The following BTBD2 variants were observed in gnomAD, a reference collection of about 807,000 sequenced individuals.
BTBD2 encodes the protein BTB/POZ domain-containing protein 2.
In BTBD2, 15 loss-of-function variants were observed where a neutral mutation model predicts 44.0. That is an observed-to-expected ratio of 0.34 (90% confidence interval 0.23 to 0.53). The LOEUF is 0.53. Ranked by LOEUF, BTBD2 falls within the 20% of genes least tolerant of loss-of-function variation. BTBD2 has a pLI of 0.95. For synonymous variants in BTBD2, 443 were observed against 335.9 expected (o/e 1.32, Z -3.49); for missense variants, 657 against 746.4 (o/e 0.88, Z 1.39).
chr19:1,997,531 C>A, intron 1 of BTBD2, 68 bp from the exon 2 acceptor site: 1 of 1,596,772 alleles, frequency 6.3e-7, no homozygotes, highest in Non-Finnish European at 8.5e-7. Flanking sequence ...AGGGCCAGCC[C>A]GGTATCCTGG....
intron 1 of BTBD2, chr19:2,013,533 C>G: frequency 1.0e-6 from 1 of 986,314 alleles, no homozygotes; most frequent in Non-Finnish European, 1.2e-6. Flanking sequence ...GTAGCAGGGC[C>G]CAGGGGAGAC....
At chr19:2,013,161 C>T (rs1461789836) in intron 1 of BTBD2, among the ~76,000 whole-genome samples, 1 of 152,190 alleles carries the variant, frequency 6.6e-6, no homozygotes, top group Admixed American at 6.5e-5. Flanking sequence ...TGCCCATAAA[C>T]ACCCAGGAAG....
In BTBD2 at chr19:1,990,297, GGGCTGGCAACTAT is replaced by G. The variant is rs987189181; in HGVS notation, c.791-109_791-97del. 80 of 1,410,266 alleles carry G rather than the reference GGGCTGGCAACTAT, an allele frequency of 5.7e-5. No individual in the cohort carries two copies. The Middle Eastern group carries it at 8.5e-4, about 15-fold the overall frequency. The allele number at this position is 1,410,266 out of a possible 1,614,324, so 87.4% of individuals were successfully genotyped here. A position where few individuals can be genotyped will look rare whatever the true frequency, so the allele number is the denominator to read the frequency against. On this transcript the variant is annotated intron_variant, in intron 4 of 8. Transcript: ENST00000255608. ...AACGTGAGGACCAGCAGTTAAAGCCGGGCTGGCAACTATGGCCCGTGGCCCAAATCTGGCCCTG... is the reference window on the plus strand; with the variant it reads ...AACGTGAGGACCAGCAGTTAAAGCCGGGCCCGTGGCCCAAATCTGGCCCTG...
At chr19:2,006,897 G>A (rs1483172277) in intron 1 of BTBD2, among the ~76,000 whole-genome samples, 4 of 151,704 alleles carry the variant, frequency 2.6e-5, no homozygotes, top group East Asian at 1.9e-4. Flanking sequence ...TCACTCTATC[G>A]CCCAGGCTGG....
At chr19:1,990,501 T>A (rs2016160117) in intron 4 of BTBD2, 1 of 611,876 alleles carries the variant, frequency 1.6e-6, no homozygotes, top group Admixed American at 3.0e-5. Flanking sequence ...ATGGTCACCA[T>A]CAGCTGGGAT....
intron 1 of BTBD2, 50 bp downstream of exon 1, chr19:2,015,247 C>A: frequency 6.8e-7 from 1 of 1,473,338 alleles, no homozygotes; most frequent in Non-Finnish European, 9.0e-7. Flanking sequence ...AGGGCCCGGG[C>A]AGCAGGCTGG....
At chr19:2,002,191 C>G (rs2016338197) in intron 1 of BTBD2, among the ~76,000 whole-genome samples, 1 of 152,154 alleles carries the variant, frequency 6.6e-6, no homozygotes, top group African/African-American at 2.4e-5. Flanking sequence ...AAGCAATGAT[C>G]CCACCTCAGC....
At position 2,001,811 on chromosome 19, in the gene BTBD2, C is replaced by T. The variant is rs2016333865; in HGVS notation, c.408-4348G>A. Among the ~76,000 whole-genome samples the T allele has an allele frequency of 2.6e-5, 4 of 152,280 alleles. 1 individual carries two copies. The South Asian group carries it at 8.3e-4, about 32-fold the overall frequency. ...GGAGTGCAGTGGCGCAATCTTGGCT[C>T]ACTGCAACCTCCGCCTCCCGAGTTC... On this transcript the variant is annotated intron_variant, in intron 1 of 8. Coordinates refer to ENST00000255608, the MANE Select transcript of BTBD2 (RefSeq NM_017797.4).
At chr19:2,007,564 G>A (rs997333161) in intron 1 of BTBD2, among the ~76,000 whole-genome samples, 7 of 152,080 alleles carry the variant, frequency 4.6e-5, no homozygotes, top group African/African-American at 1.2e-4. Flanking sequence ...GGCCAGGGAC[G>A]GTAGCTCACA....
At position 1,990,460 on chromosome 19, in the gene BTBD2, A is replaced by G; in HGVS notation, c.790+257T>C. The G allele has an allele frequency of 1.1e-5, 7 of 610,044 alleles. No homozygotes were observed. In the South Asian group the frequency reaches 1.4e-4, roughly 12 times the overall value. The allele number at this position is 610,044 out of a possible 1,614,324, so 37.8% of individuals were successfully genotyped here. On this transcript the variant is annotated intron_variant, in intron 4 of 8. Transcript: ENST00000255608. Reference sequence around the variant, plus strand: ...CTTTGACAAAAGCTGTTCAACAGCAAAGTCAAAGCCATGGACCATCGGAGG... The same window carrying G: ...CTTTGACAAAAGCTGTTCAACAGCAGAGTCAAAGCCATGGACCATCGGAGG...
intron 1 of BTBD2, among the ~76,000 whole-genome samples, chr19:2,004,861 A>G (rs112765663): frequency 0.018 from 2,668 of 151,520 alleles, 65 homozygotes; most frequent in African/African-American, 0.06. Flanking sequence ...TTGCTCTGTC[A>G]CCCAGGCTGG....
chr19:2,009,033 T>TTTC (rs2016429284), intron 1 of BTBD2, among the ~76,000 whole-genome samples: 1 of 151,584 alleles, frequency 6.6e-6, no homozygotes, highest in African/African-American at 2.4e-5. Context: ...TTTTTTTTTT[T>TTTC]TCCAAGACAG....
At chr19:2,013,781 T>C in intron 1 of BTBD2, 1 of 638,356 alleles carries the variant, frequency 1.6e-6, no homozygotes, top group Non-Finnish European at 1.9e-6. Context: ...CCTGGGGGTC[T>C]CCGGTGGGGG....
chr19:2,000,009 GGGC>G (rs1348335629), intron 1 of BTBD2, among the ~76,000 whole-genome samples: 1 of 152,002 alleles, frequency 6.6e-6, no homozygotes, highest in African/African-American at 2.4e-5. Context: ...GAAACAGAGT[GGGC>G]GGCCGCATGA....
At chr19:2,014,150 C>T (rs2016502504) in intron 1 of BTBD2, 1 of 150,926 alleles carries the variant, frequency 6.6e-6, no homozygotes, top group Non-Finnish European at 1.5e-5. Flanking sequence ...GGTGAAGGAC[C>T]TGGGGAAGGA....
intron 2 of BTBD2, among the ~76,000 whole-genome samples, chr19:1,994,390 G>A (rs1323060530): frequency 6.6e-6 from 1 of 152,118 alleles, no homozygotes; most frequent in East Asian, 1.9e-4. Context: ...AGCACGTTGG[G>A]AGGCAGAGGC....
intron 1 of BTBD2, among the ~76,000 whole-genome samples, chr19:2,004,881 G>C (rs1434410805): frequency 6.7e-6 from 1 of 149,652 alleles, no homozygotes; most frequent in Non-Finnish European, 1.5e-5. Flanking sequence ...GAGTGCAGTG[G>C]TGCCATCTCG....
chr19:1,999,456 A>G (rs2016296978), intron 1 of BTBD2, among the ~76,000 whole-genome samples: 1 of 152,228 alleles, frequency 6.6e-6, no homozygotes, highest in Non-Finnish European at 1.5e-5. Context: ...GCTTGAGCCC[A>G]GGAGTTTGAG....
Position 1,987,653 on chromosome 19 carries a change from A to C in BTBD2, c.1028T>G (p.Val343Gly). Residue 343 changes from valine to glycine, a missense_variant, in exon 6 of 9, where the codon GTC (valine) becomes GGC (glycine). Val to Gly is a moderately radical substitution (Grantham distance 109, BLOSUM62 -3). Coordinates refer to ENST00000255608, the MANE Select transcript of BTBD2 (RefSeq NM_017797.4). Reference sequence around the variant, plus strand: ...GACGGTGAAGTGCAGGAAGAGGCTGACCACCTCGCGGTCCACCAGGATGCC... The same window carrying C: ...GACGGTGAAGTGCAGGAAGAGGCTGCCCACCTCGCGGTCCACCAGGATGCC... ...QSGILVDREV[V>G]SLFLHFTVNP... 6.2e-7 allele frequency: 1 copy of C among 1,610,862 alleles called. No homozygotes were observed. The highest frequency in any genetic ancestry group is 8.5e-7 in the Non-Finnish European group (1 of 1,178,794).
Sources: gnomAD v4.1 joint callset for allele counts (sites outside exome capture counted in the v4.1 genomes callset) on GRCh38, gnomAD v4.1.1 for gene constraint, MANE v1.5 for transcripts, NCBI Gene and HGNC (gene_info 2026-07-23, HGNC 2026-07-21) for gene names.